Variants in CBFB observed in about 807,000 individuals in gnomAD.
The protein encoded by CBFB is CBF-beta.
CBFB carries 9 observed loss-of-function variants against 30.4 expected under a neutral mutation model. The ratio of observed to expected loss-of-function variants is 0.30; its 90% CI spans 0.18 to 0.52. The LOEUF is 0.52. Among genes scored for constraint, CBFB ranks in the 20% least tolerant of loss-of-function variants. The pLI is 0.97. For synonymous variants in CBFB, 94 were observed against 84.0 expected (o/e 1.12, Z -0.65); for missense variants, 170 against 244.0 (o/e 0.70, Z 2.02).
chr16:67,088,642 A>G (rs536315509), intron 5 of CBFB, among the ~76,000 whole-genome samples: 3 of 152,362 alleles, frequency 2.0e-5, no homozygotes, highest in African/African-American at 4.8e-5. Context: ...GAGGCAGAAA[A>G]GAAAAATAAT....
At chr16:67,063,676 C>T (rs1461565920) in intron 3 of CBFB, among the ~76,000 whole-genome samples, 4 of 152,128 alleles carry the variant, frequency 2.6e-5, no homozygotes, top group African/African-American at 4.8e-5. Context: ...CTCATGACCT[C>T]CTGCCTTGGC....
At chr16:67,076,735 G>A (rs552895813) in intron 4 of CBFB, among the ~76,000 whole-genome samples, 14 of 152,124 alleles carry the variant, frequency 9.2e-5, no homozygotes, top group African/African-American at 3.4e-4. Flanking sequence ...GAAGATTTTG[G>A]CACTTTACCA....
chr16:67,081,954 G>T, intron 4 of CBFB: 1 of 189,294 alleles, frequency 5.3e-6, no homozygotes, highest in Non-Finnish European at 1.1e-5. Flanking sequence ...AAGTAGCTGG[G>T]ATTACAAACA....
chr16:67,040,432 A>G (rs1177666269), intron 3 of CBFB, among the ~76,000 whole-genome samples: 1 of 152,216 alleles, frequency 6.6e-6, no homozygotes, highest in East Asian at 1.9e-4. Flanking sequence ...TGCATTTACT[A>G]CAGTGTAACT....
intron 3 of CBFB, among the ~76,000 whole-genome samples, chr16:67,060,908 G>A (rs1960893660): frequency 6.6e-6 from 1 of 152,072 alleles, no homozygotes. Context: ...CATTCACTTA[G>A]TATTATGTTT....
chr16:67,080,196 T>A (rs1291093383), intron 4 of CBFB, among the ~76,000 whole-genome samples: 2 of 150,752 alleles, frequency 1.3e-5, no homozygotes, highest in Non-Finnish European at 3.0e-5. Flanking sequence ...GTTGGGGGCA[T>A]TGTAGTCAGA....
chr16:67,094,021 A>T (rs1223210339), intron 5 of CBFB, among the ~76,000 whole-genome samples: 2 of 151,768 alleles, frequency 1.3e-5, no homozygotes, highest in Non-Finnish European at 2.9e-5. Flanking sequence ...CCTTCATATG[A>T]CGGTCAATAC....
intron 4 of CBFB, among the ~76,000 whole-genome samples, chr16:67,067,142 G>C (rs1961082344): frequency 6.6e-6 from 1 of 151,526 alleles, no homozygotes; most frequent in Non-Finnish European, 1.5e-5. Flanking sequence ...CGTGCTTTTG[G>C]AATGCTTGAG....
At chr16:67,071,668 A>G (rs1961225409) in intron 4 of CBFB, among the ~76,000 whole-genome samples, 2 of 152,124 alleles carry the variant, frequency 1.3e-5, no homozygotes, top group African/African-American at 4.8e-5. Flanking sequence ...CAGGCCTCAG[A>G]TTTCTCCTTC....
chr16:67,055,177 A>G (rs1261795045), intron 3 of CBFB, among the ~76,000 whole-genome samples: 1 of 151,982 alleles, frequency 6.6e-6, no homozygotes, highest in Non-Finnish European at 1.5e-5. Flanking sequence ...GTGAAACCAA[A>G]TTAAAATAAT....
chr16:67,090,636 C>A (rs1457273817), intron 5 of CBFB, among the ~76,000 whole-genome samples: 1 of 152,154 alleles, frequency 6.6e-6, no homozygotes, highest in Non-Finnish European at 1.5e-5. Flanking sequence ...ATATAGCACT[C>A]TTGGCTTTTA....
intron 3 of CBFB, among the ~76,000 whole-genome samples, chr16:67,052,360 A>C (rs1960579618): frequency 6.6e-6 from 1 of 152,186 alleles, no homozygotes; most frequent in South Asian, 2.1e-4. Flanking sequence ...GCATGAAGCC[A>C]GGAGTCCGAG....
At chr16:67,066,493 G>T (rs926469696) in intron 3 of CBFB, among the ~76,000 whole-genome samples, 189 bp from the exon 4 acceptor site, 2 of 151,970 alleles carry the variant, frequency 1.3e-5, no homozygotes, top group Admixed American at 1.3e-4. Context: ...CCGGGAGGCA[G>T]AGGTTGCAGT....
chr16:67,052,270 T>C (rs1245939042), intron 3 of CBFB, among the ~76,000 whole-genome samples: 2 of 152,204 alleles, frequency 1.3e-5, no homozygotes, highest in African/African-American at 4.8e-5. Flanking sequence ...CTTTTTACTT[T>C]TTAAAAAATA....
chr16:67,060,473 C>G (rs1271025872), intron 3 of CBFB, among the ~76,000 whole-genome samples: 1 of 152,188 alleles, frequency 6.6e-6, no homozygotes, highest in East Asian at 1.9e-4. Context: ...CCCTGTGCCC[C>G]TGGCAACTAC....
intron 3 of CBFB, among the ~76,000 whole-genome samples, chr16:67,054,649 T>A (rs1960659778): frequency 6.6e-6 from 1 of 152,210 alleles, no homozygotes. Flanking sequence ...ATTTTCTTAC[T>A]GTCTCTTTTG....
At chr16:67,057,169 G>C (rs182005157) in intron 3 of CBFB, among the ~76,000 whole-genome samples, 1 of 152,074 alleles carries the variant, frequency 6.6e-6, no homozygotes, top group Non-Finnish European at 1.5e-5. Context: ...TTTTAGTAGA[G>C]ACGGGGTTTC....
intron 5 of CBFB, among the ~76,000 whole-genome samples, chr16:67,094,878 C>T (rs1961996187): frequency 6.6e-6 from 1 of 152,158 alleles, no homozygotes; most frequent in Non-Finnish European, 1.5e-5. Flanking sequence ...ATTGTCCATT[C>T]TGCTAACAAA....
chr16:67,042,838 C>G (rs1340409388), intron 3 of CBFB, among the ~76,000 whole-genome samples: 1 of 152,140 alleles, frequency 6.6e-6, no homozygotes, highest in South Asian at 2.1e-4. Context: ...CGGGTTCAAG[C>G]AATTCTCCTT....
Sources: allele counts gnomAD v4.1 joint callset (sites outside exome capture counted in the v4.1 genomes callset), GRCh38; gene constraint gnomAD v4.1.1; transcripts MANE v1.5; gene names NCBI Gene and HGNC (gene_info 2026-07-23, HGNC 2026-07-21).